The following AGBL4 variants were observed in gnomAD, a reference collection of about 807,000 sequenced individuals.
AGBL4 encodes the protein cytosolic carboxypeptidase 6.
AGBL4 carries 58 observed loss-of-function variants against 66.4 expected under a neutral mutation model. The ratio of observed to expected loss-of-function variants is 0.87; its 90% confidence interval spans 0.71 to 1.09. AGBL4 has a LOEUF of 1.09. Ranked by LOEUF, AGBL4 falls within the 50% of genes least tolerant of loss-of-function variation. AGBL4 has a pLI of 0.00. For synonymous variants in AGBL4, 234 were observed against 222.9 expected (o/e 1.05, Z -0.44); for missense variants, 579 against 631.0 (o/e 0.92, Z 0.88).
intron 3 of AGBL4, among the ~76,000 whole-genome samples, chr1:49,249,710 C>T (rs895587712): frequency 2.1e-4 from 32 of 152,162 alleles, no homozygotes; most frequent in African/African-American, 7.7e-4. Flanking sequence ...CTAGCAATCT[C>T]ATCACTGGGC....
intron 6 of AGBL4, among the ~76,000 whole-genome samples, chr1:48,688,346 G>A (rs763691575): frequency 1.1e-4 from 17 of 152,274 alleles, no homozygotes; most frequent in Admixed American, 3.3e-4. Flanking sequence ...CTTCCAGGGC[G>A]CTCCTCCTTC....
chr1:48,529,899 A>G (rs1643896860), downstream of AGBL4, among the ~76,000 whole-genome samples: 1 of 152,138 alleles, frequency 6.6e-6, no homozygotes. Context: ...GCCTAGAAGA[A>G]GGTCAGACAG....
At chr1:49,015,909 C>G (rs916938305) in intron 5 of AGBL4, among the ~76,000 whole-genome samples, 2 of 152,108 alleles carry the variant, frequency 1.3e-5, no homozygotes, top group African/African-American at 4.8e-5. Context: ...ATAGGCTTTT[C>G]AACCAGACCT....
intron 4 of AGBL4, among the ~76,000 whole-genome samples, chr1:49,052,196 A>G (rs1365065355): frequency 6.6e-6 from 1 of 151,950 alleles, no homozygotes; most frequent in Non-Finnish European, 1.5e-5. Flanking sequence ...CCAATTACTT[A>G]GGCTTGTTTG....
chr1:49,263,256 GTAAC>G (rs34276439), intron 3 of AGBL4, among the ~76,000 whole-genome samples: 63,959 of 149,938 alleles, frequency 0.43, 15,986 homozygotes, highest in Non-Finnish European at 0.58. Flanking sequence ...GTATACATAT[GTAAC>G]TAACCTGCAC....
intron 11 of AGBL4, among the ~76,000 whole-genome samples, chr1:48,573,360 T>A (rs1644599131): frequency 6.6e-6 from 1 of 152,230 alleles, no homozygotes; most frequent in African/African-American, 2.4e-5. Flanking sequence ...ATCACTGGAC[T>A]TTCCAGTTCT....
chr1:49,625,304 C>T (rs1242660014), intron 3 of AGBL4, among the ~76,000 whole-genome samples: 1 of 152,170 alleles, frequency 6.6e-6, no homozygotes, highest in Non-Finnish European at 1.5e-5. Flanking sequence ...TGGTGACTGG[C>T]ACAGAGTAAG....
At chr1:49,731,469 T>C (rs766744713) in intron 2 of AGBL4, among the ~76,000 whole-genome samples, 16 of 152,206 alleles carry the variant, frequency 1.1e-4, no homozygotes, top group Admixed American at 6.5e-5. Context: ...GAATAATAAA[T>C]ACGTGCTGAA....
chr1:48,940,737 A>C (rs756121449), intron 5 of AGBL4, among the ~76,000 whole-genome samples: 2 of 152,212 alleles, frequency 1.3e-5, no homozygotes, highest in Non-Finnish European at 2.9e-5. Flanking sequence ...AAAGACTGCA[A>C]ATCAGTGACA....
chr1:48,870,153 CT>C (rs916149383), intron 5 of AGBL4, among the ~76,000 whole-genome samples: 6 of 152,058 alleles, frequency 3.9e-5, no homozygotes, highest in Admixed American at 1.3e-4. Flanking sequence ...ACCACTTTAT[CT>C]CCCTTCCTCA....
chr1:49,390,182 A>G (rs1023151695), intron 3 of AGBL4, among the ~76,000 whole-genome samples: 1 of 152,212 alleles, frequency 6.6e-6, no homozygotes, highest in Non-Finnish European at 1.5e-5. Context: ...CATGCAACAA[A>G]AATAACTGGA....
At chr1:49,901,655 G>C (rs1029282614) in intron 1 of AGBL4, among the ~76,000 whole-genome samples, 1 of 152,066 alleles carries the variant, frequency 6.6e-6, no homozygotes, top group Non-Finnish European at 1.5e-5. Context: ...TATCAATCTA[G>C]CAATGACATT....
intron 3 of AGBL4, among the ~76,000 whole-genome samples, chr1:49,392,358 C>CTCTA (rs1444721331): frequency 4.6e-5 from 7 of 152,242 alleles, no homozygotes; most frequent in South Asian, 2.1e-4. Context: ...TGGCAGAGCC[C>CTCTA]TCTAAATGGC....
Position 49,657,983 on chromosome 1 carries a change from C to T in AGBL4, c.282+39330G>A, listed in dbSNP as rs569197588. Among the ~76,000 whole-genome samples, 5 of 152,270 alleles carry T rather than the reference C, an allele frequency of 3.3e-5. No individual in the cohort carries two copies. The South Asian group carries it at 1.0e-3, about 32-fold the overall frequency. Reference sequence around the variant, plus strand: ...ATGTCTAAAACACCAAAAGCAATGGCAACCAAAGACAAAATTGACAAATGG... The same window carrying T: ...ATGTCTAAAACACCAAAAGCAATGGTAACCAAAGACAAAATTGACAAATGG... On this transcript the variant is annotated intron_variant, in intron 3 of 13. Coordinates refer to ENST00000371839, the MANE Select transcript of AGBL4 (RefSeq NM_032785.4).
At chr1:48,937,343 C>G (rs941428017) in intron 5 of AGBL4, among the ~76,000 whole-genome samples, 1 of 152,172 alleles carries the variant, frequency 6.6e-6, no homozygotes, top group Admixed American at 6.5e-5. Context: ...ACCAACACCA[C>G]TCCACTGGAT....
chr1:49,565,794 T>C (rs1396355396), intron 3 of AGBL4, among the ~76,000 whole-genome samples: 1 of 152,204 alleles, frequency 6.6e-6, no homozygotes, highest in Non-Finnish European at 1.5e-5. Flanking sequence ...GTTGCTCTTC[T>C]TGAGGAGTAT....
chr1:49,154,904 A>G (rs1413759280), intron 4 of AGBL4, among the ~76,000 whole-genome samples: 2 of 152,154 alleles, frequency 1.3e-5, no homozygotes, highest in African/African-American at 4.8e-5. Flanking sequence ...CTCTCATTCT[A>G]AATGCTGCAT....
chr1:49,106,708 G>A (rs1645300025), intron 4 of AGBL4, among the ~76,000 whole-genome samples: 1 of 152,136 alleles, frequency 6.6e-6, no homozygotes, highest in East Asian at 1.9e-4. Context: ...GGCATTCCAT[G>A]AATTTCTACT....
chr1:49,020,519 TG>T (rs1327394293), intron 5 of AGBL4, among the ~76,000 whole-genome samples: 1 of 152,136 alleles, frequency 6.6e-6, no homozygotes, highest in Admixed American at 6.5e-5. Flanking sequence ...GCTCCAGTAT[TG>T]AGGGAGATCT....
Sources: allele counts gnomAD v4.1 joint callset (sites outside exome capture counted in the v4.1 genomes callset), GRCh38; gene constraint gnomAD v4.1.1; transcripts MANE v1.5; gene names NCBI Gene and HGNC (gene_info 2026-07-23, HGNC 2026-07-21).